Variants in LRRC36 observed in about 807,000 individuals in gnomAD.
The protein encoded by LRRC36 is leucine-rich repeat-containing protein 36.
LRRC36 carries 62 observed loss-of-function variants against 81.1 expected under a neutral mutation model. The ratio of observed to expected loss-of-function variants is 0.76; its 90% CI spans 0.62 to 0.94. The LOEUF is 0.94. LRRC36 is among the 40% of genes least tolerant of loss of function. The pLI, the probability that LRRC36 is intolerant of heterozygous loss-of-function variation, is 0.00. For synonymous variants in LRRC36, 334 were observed against 348.6 expected (o/e 0.96, Z 0.47); for missense variants, 761 against 881.7 (o/e 0.86, Z 1.73).
chr16:67,345,872 C>T (rs982765606), intron 2 of LRRC36, among the ~76,000 whole-genome samples: 4 of 151,512 alleles, frequency 2.6e-5, no homozygotes, highest in African/African-American at 9.7e-5. Flanking sequence ...CTTTTGGGAT[C>T]AGGAGAGGGG....
chr16:67,376,079 G>T (rs1212521868), intron 10 of LRRC36, among the ~76,000 whole-genome samples: 1 of 152,210 alleles, frequency 6.6e-6, no homozygotes, highest in South Asian at 2.1e-4. Flanking sequence ...GGAGGCCGAG[G>T]TGGGTGGATC....
At chr16:67,366,214 G>C (rs2142102872) in intron 7 of LRRC36, among the ~76,000 whole-genome samples, 1 of 151,938 alleles carries the variant, frequency 6.6e-6, no homozygotes, top group South Asian at 2.1e-4. Context: ...GTACAGTACA[G>C]TGGCACAATC....
chr16:67,378,487 A>T, intron 11 of LRRC36, 102 bp from the exon 12 acceptor site: 1 of 1,043,552 alleles, frequency 9.6e-7, no homozygotes, highest in Non-Finnish European at 1.4e-6. Flanking sequence ...CAAACCATCC[A>T]CCTCAGCCTC....
In LRRC36 at chr16:67,360,320, C is replaced by T. The variant is rs571327349; in HGVS notation, c.578-3270C>T. ...GAGAGCACTCAGCAAGAAGTTCAGG[C>T]GGTAGGGGATTTGAACCAAGACATA... On this transcript the variant is annotated intron_variant, in intron 5 of 13. Coordinates refer to ENST00000329956, the MANE Select transcript of LRRC36 (RefSeq NM_018296.6). Among the ~76,000 whole-genome samples, 12 of 152,028 alleles carry T rather than the reference C, an allele frequency of 7.9e-5. No individual in the cohort carries two copies. In the South Asian group the frequency reaches 1.0e-3, roughly 13 times the overall value.
At chr16:67,360,899 A>G (rs1276273648) in intron 5 of LRRC36, among the ~76,000 whole-genome samples, 1 of 152,126 alleles carries the variant, frequency 6.6e-6, no homozygotes, top group Non-Finnish European at 1.5e-5. Flanking sequence ...TCCTGCTGGA[A>G]AAAAATTCCT....
At chr16:67,368,884 G>T (rs2039518076) in intron 8 of LRRC36, among the ~76,000 whole-genome samples, 2 of 152,122 alleles carry the variant, frequency 1.3e-5, no homozygotes, top group African/African-American at 4.8e-5. Flanking sequence ...ATAAAGTGTG[G>T]GAGAAAGAGG....
At chr16:67,377,023 A>G in intron 11 of LRRC36, 151 bp downstream of exon 11, 1 of 781,316 alleles carries the variant, frequency 1.3e-6, no homozygotes. Flanking sequence ...GACAGGGACA[A>G]CTTGGAAGTT....
chr16:67,373,464 T>G (rs1415312837), intron 9 of LRRC36, among the ~76,000 whole-genome samples: 1 of 151,842 alleles, frequency 6.6e-6, no homozygotes, highest in African/African-American at 2.4e-5. Flanking sequence ...TCCCAGCACT[T>G]TGGGAGGCGA....
chr16:67,343,200 A>T (rs2142005726), intron 2 of LRRC36, among the ~76,000 whole-genome samples: 1 of 152,308 alleles, frequency 6.6e-6, no homozygotes, highest in Admixed American at 6.5e-5. Context: ...TTAAGTGAAC[A>T]TTGCTGTAAT....
intron 5 of LRRC36, among the ~76,000 whole-genome samples, chr16:67,355,629 C>T (rs894451991): frequency 1.3e-4 from 20 of 152,044 alleles, no homozygotes; most frequent in African/African-American, 4.8e-4. Flanking sequence ...CCGCCTCGGC[C>T]TCCCAAAGTG....
intron 1 of LRRC36, among the ~76,000 whole-genome samples, chr16:67,337,741 T>C (rs1458548524): frequency 6.6e-6 from 1 of 152,174 alleles, no homozygotes; most frequent in Non-Finnish European, 1.5e-5. Context: ...ATTTGTCTAT[T>C]CTAATTTACA....
At chr16:67,364,876 C>G (rs2039312667) in intron 6 of LRRC36, among the ~76,000 whole-genome samples, 1 of 152,138 alleles carries the variant, frequency 6.6e-6, no homozygotes, top group Non-Finnish European at 1.5e-5. Context: ...AGATGGCTTT[C>G]TGTTTTCCTT....
At chr16:67,357,895 A>C (rs550840985) in intron 5 of LRRC36, among the ~76,000 whole-genome samples, 1 of 152,296 alleles carries the variant, frequency 6.6e-6, no homozygotes, top group South Asian at 2.1e-4. Flanking sequence ...CTGTATGATA[A>C]AGCCTTTTCT....
chr16:67,378,995 A>G (rs1169266975), intron 12 of LRRC36, among the ~76,000 whole-genome samples: 1 of 152,254 alleles, frequency 6.6e-6, no homozygotes, highest in Non-Finnish European at 1.5e-5. Context: ...TGATTATAAC[A>G]CCAAGAACAT....
Position 67,367,245 on chromosome 16 carries a change from T to C in LRRC36, c.983T>C (p.Val328Ala). 1 of 1,614,214 alleles carries C rather than the reference T, an allele frequency of 6.2e-7. No individual in the cohort carries two copies. Among genetic ancestry groups the C allele is most frequent in the Non-Finnish European group, 8.5e-7 (1 of 1,180,038 alleles). ...QIHPYQLPSDVGLENYDSCYS... is the reference protein window; with the variant it reads ...QIHPYQLPSDAGLENYDSCYS... ...CATCCCTATCAGTTACCTTCAGATG[T>C]TGGTCTGGAAAATTATGACAGTTGT... Residue 328 changes from valine to alanine, a missense_variant, in exon 8 of 14, where the codon GTT becomes GCT. By Grantham distance (64) the Val-to-Ala change is moderately conservative. This residue lies in a region of LRRC36 where 139 missense variants were observed against 214.0 expected (regional missense o/e 0.65). Coordinates refer to ENST00000329956, the MANE Select transcript of LRRC36 (RefSeq NM_018296.6).
intron 11 of LRRC36, among the ~76,000 whole-genome samples, chr16:67,378,089 G>C (rs1178613986): frequency 6.6e-6 from 1 of 152,172 alleles, no homozygotes; most frequent in Non-Finnish European, 1.5e-5. Context: ...GCTAGTCCAT[G>C]TAATAAATTT....
At chr16:67,328,355 CA>C (rs1213977779) in intron 1 of LRRC36, among the ~76,000 whole-genome samples, 2 of 151,548 alleles carry the variant, frequency 1.3e-5, no homozygotes, top group Non-Finnish European at 2.9e-5. Flanking sequence ...ACTAAAAATA[CA>C]AAAAAAATTA....
At chr16:67,358,117 T>G (rs1044148020) in intron 5 of LRRC36, among the ~76,000 whole-genome samples, 1 of 151,514 alleles carries the variant, frequency 6.6e-6, no homozygotes, top group Non-Finnish European at 1.5e-5. Context: ...ATTTTCTTGA[T>G]TGTTGTATAT....
At chr16:67,337,355 A>C (rs1285985435) in intron 1 of LRRC36, among the ~76,000 whole-genome samples, 1 of 138,892 alleles carries the variant, frequency 7.2e-6, no homozygotes, top group East Asian at 2.1e-4. Flanking sequence ...TCTTTCTTTT[A>C]TTTTTCTTTT....
Sources: gnomAD v4.1 joint callset for allele counts (sites outside exome capture counted in the v4.1 genomes callset) on GRCh38, gnomAD v4.1.1 for gene constraint, gnomAD v4.1.1 regional missense constraint, MANE v1.5 for transcripts, NCBI Gene and HGNC (gene_info 2026-07-23, HGNC 2026-07-21) for gene names.